Variants in TENM2 observed in about 807,000 individuals in gnomAD.
TENM2 encodes the protein teneurin-2.
Under a neutral mutation model 245.2 loss-of-function variants are expected in TENM2, and 52 were observed. The observed-to-expected ratio is 0.21, with a 90% CI of 0.17 to 0.27. The LOEUF is 0.27. Among genes scored for constraint, TENM2 ranks in the 10% least tolerant of loss-of-function variants. The pLI is 1.00. For missense variants in TENM2, 3,046 were observed against 3,666.8 expected (o/e 0.83, Z 4.37); for synonymous variants, 1,363 against 1,438.9 (o/e 0.95, Z 1.19).
At chr5:168,012,105 G>A (rs901241401) in intron 5 of TENM2, among the ~76,000 whole-genome samples, 3 of 152,122 alleles carry the variant, frequency 2.0e-5, no homozygotes, top group African/African-American at 7.2e-5. Flanking sequence ...GACTTTATGT[G>A]TTCACATCCC....
the TENM2 span, among the ~76,000 whole-genome samples, chr5:167,044,285 G>T: frequency 6.6e-6 from 1 of 152,176 alleles, no homozygotes; most frequent in Non-Finnish European, 1.5e-5. Flanking sequence ...CTGTCAGGGA[G>T]ATTGAAGTAT....
At chr5:167,643,433 A>G (rs531561942) in intron 2 of TENM2, among the ~76,000 whole-genome samples, 7 of 152,172 alleles carry the variant, frequency 4.6e-5, no homozygotes, top group African/African-American at 9.6e-5. Flanking sequence ...TGGTTTAAAC[A>G]TGATGTAGCC....
At chr5:167,735,761 A>C (rs1760750354) in intron 2 of TENM2, among the ~76,000 whole-genome samples, 1 of 152,146 alleles carries the variant, frequency 6.6e-6, no homozygotes, top group Non-Finnish European at 1.5e-5. Context: ...AGCCAAGATC[A>C]TACCACTGCA....
intron 7 of TENM2, among the ~76,000 whole-genome samples, chr5:168,083,805 G>T (rs1446700357): frequency 6.6e-6 from 1 of 151,968 alleles, no homozygotes; most frequent in African/African-American, 2.4e-5. Flanking sequence ...TGGGTATGTT[G>T]CATGATGCTA....
At chr5:167,176,231 C>G in the TENM2 span, among the ~76,000 whole-genome samples, 1 of 152,186 alleles carries the variant, frequency 6.6e-6, no homozygotes, top group Non-Finnish European at 1.5e-5. Flanking sequence ...CCAGTTATTT[C>G]TGAATGCGTC....
the TENM2 span, among the ~76,000 whole-genome samples, chr5:167,249,464 CCT>C: frequency 6.6e-6 from 1 of 152,044 alleles, no homozygotes; most frequent in African/African-American, 2.4e-5. Flanking sequence ...TTTCCTTCCC[CCT>C]CTGTCTCTCA....
intron 2 of TENM2, among the ~76,000 whole-genome samples, chr5:167,462,468 A>G (rs1281758150): frequency 6.6e-6 from 1 of 152,154 alleles, no homozygotes; most frequent in Non-Finnish European, 1.5e-5. Flanking sequence ...TCCAGCGTCC[A>G]GGAAGAATCA....
chr5:167,581,158 TA>T (rs1775067875), intron 2 of TENM2, among the ~76,000 whole-genome samples: 1 of 152,210 alleles, frequency 6.6e-6, no homozygotes, highest in Admixed American at 6.5e-5. Flanking sequence ...TTGACAAACA[TA>T]CTTATTAATA....
chr5:167,454,555 G>C (rs1183578852), intron 2 of TENM2, among the ~76,000 whole-genome samples: 1 of 151,916 alleles, frequency 6.6e-6, no homozygotes, highest in Non-Finnish European at 1.5e-5. Context: ...TTATGTGTGT[G>C]TCTGTATTTC....
chr5:166,991,855 G>C, the TENM2 span, among the ~76,000 whole-genome samples: 1 of 151,888 alleles, frequency 6.6e-6, no homozygotes, highest in African/African-American at 2.4e-5. Context: ...AGTAAGTCTT[G>C]TCTTTTACTT....
At chr5:167,901,462 C>T (rs1273562198) in intron 3 of TENM2, among the ~76,000 whole-genome samples, 2 of 152,176 alleles carry the variant, frequency 1.3e-5, no homozygotes, top group East Asian at 1.9e-4. Context: ...TGAACCAGCA[C>T]GCAGTGACAC....
At chr5:167,405,397 A>C (rs2127393336) in intron 2 of TENM2, among the ~76,000 whole-genome samples, 1 of 152,232 alleles carries the variant, frequency 6.6e-6, no homozygotes, top group South Asian at 2.1e-4. Flanking sequence ...CATTTTGCAT[A>C]AATGGACAGC....
chr5:167,190,412 T>C, the TENM2 span, among the ~76,000 whole-genome samples: 1 of 151,992 alleles, frequency 6.6e-6, no homozygotes, highest in Non-Finnish European at 1.5e-5. Context: ...GAGATGTGGG[T>C]CATAGCAAAG....
intron 2 of TENM2, among the ~76,000 whole-genome samples, chr5:167,771,554 A>G (rs1357824147): frequency 6.6e-6 from 1 of 152,160 alleles, no homozygotes; most frequent in Non-Finnish European, 1.5e-5. Flanking sequence ...ATTCTTGGTA[A>G]CAATTGAAAC....
At chr5:167,479,830 A>G (rs1321244098) in intron 2 of TENM2, among the ~76,000 whole-genome samples, 1 of 152,214 alleles carries the variant, frequency 6.6e-6, no homozygotes, top group African/African-American at 2.4e-5. Context: ...GTGAAATGCA[A>G]AATTTAAAGA....
chr5:167,336,176 CTTT>C (rs35059289), intron 1 of TENM2, among the ~76,000 whole-genome samples: 51 of 83,094 alleles, frequency 6.1e-4, no homozygotes, highest in South Asian at 3.6e-3. Context: ...TTCATTTCTC[CTTT>C]TTTTTTTTTT....
chr5:167,383,220 G>A (rs993606286), intron 2 of TENM2, among the ~76,000 whole-genome samples: 4 of 152,186 alleles, frequency 2.6e-5, no homozygotes. Context: ...GGAAATGAAG[G>A]CCATATACGA....
At chr5:167,143,117 A>T in the TENM2 span, among the ~76,000 whole-genome samples, 568 of 152,298 alleles carry the variant, frequency 3.7e-3, 2 homozygotes, top group African/African-American at 0.013. Context: ...TGCATCATCT[A>T]GCCTCAAATT....
intron 2 of TENM2, among the ~76,000 whole-genome samples, chr5:167,869,563 G>T (rs1417478241): frequency 1.3e-5 from 2 of 152,190 alleles, no homozygotes; most frequent in African/African-American, 4.8e-5. Context: ...ATATGCTTTG[G>T]CTTAACCCAC....
Sources: gnomAD v4.1 joint callset for allele counts (sites outside exome capture counted in the v4.1 genomes callset) on GRCh38, gnomAD v4.1.1 for gene constraint, MANE v1.5 for transcripts, NCBI Gene and HGNC (gene_info 2026-07-23, HGNC 2026-07-21) for gene names.